RBMS3: variants seen among roughly 807,000 people sequenced by gnomAD.
The protein encoded by RBMS3 is RNA binding motif single stranded interacting protein 3.
In RBMS3, 27 loss-of-function variants were observed where a neutral mutation model predicts 66.8. The observed-to-expected ratio is 0.40, with a 90% CI of 0.30 to 0.56. The LOEUF is 0.56. RBMS3 is among the 20% of genes least tolerant of loss of function. The pLI is 0.40. For missense variants in RBMS3, 513 were observed against 549.5 expected (o/e 0.93, Z 0.66); for synonymous variants, 188 against 183.0 (o/e 1.03, Z -0.22).
intron 7 of RBMS3, among the ~76,000 whole-genome samples, chr3:29,876,509 C>G (rs1478882216): frequency 6.6e-6 from 1 of 152,136 alleles, no homozygotes; most frequent in East Asian, 1.9e-4. Context: ...GTCCCAAACA[C>G]TGGGCTAGAA....
intron 6 of RBMS3, among the ~76,000 whole-genome samples, chr3:29,767,839 T>G (rs1576746516): frequency 6.6e-6 from 1 of 152,082 alleles, no homozygotes; most frequent in Non-Finnish European, 1.5e-5. Flanking sequence ...ATTTACAAAT[T>G]TTTATCAGTG....
intron 1 of RBMS3, among the ~76,000 whole-genome samples, chr3:29,357,049 A>G (rs112194816): frequency 0.079 from 12,035 of 151,998 alleles, 631 homozygotes; most frequent in Non-Finnish European, 0.11. Flanking sequence ...TTATTTTTAT[A>G]TATATATTTT....
intron 4 of RBMS3, among the ~76,000 whole-genome samples, chr3:29,602,615 A>G (rs2048185620): frequency 1.3e-5 from 2 of 152,030 alleles, no homozygotes; most frequent in South Asian, 4.1e-4. Context: ...AGGCACCAAC[A>G]TTCTATACTC....
At chr3:29,628,897 A>C (rs1490290757) in intron 4 of RBMS3, among the ~76,000 whole-genome samples, 2 of 152,052 alleles carry the variant, frequency 1.3e-5, no homozygotes, top group African/African-American at 4.8e-5. Context: ...TTGACTGAGA[A>C]TTGTCATTGT....
intron 10 of RBMS3, among the ~76,000 whole-genome samples, chr3:29,930,746 A>T (rs1486294341): frequency 6.6e-6 from 1 of 151,400 alleles, no homozygotes; most frequent in Non-Finnish European, 1.5e-5. Flanking sequence ...ATATATATTT[A>T]TATGTCTCAT....
intron 6 of RBMS3, among the ~76,000 whole-genome samples, chr3:29,864,616 C>T (rs1446372652): frequency 6.6e-6 from 1 of 152,046 alleles, no homozygotes; most frequent in Non-Finnish European, 1.5e-5. Context: ...TGACACATGA[C>T]CGGGTTTCAC....
At chr3:29,494,068 A>G (rs1268694498) in intron 3 of RBMS3, among the ~76,000 whole-genome samples, 2 of 152,234 alleles carry the variant, frequency 1.3e-5, no homozygotes, top group Non-Finnish European at 2.9e-5. Flanking sequence ...TTTTAAAGAC[A>G]TGATAGTAAT....
intron 9 of RBMS3, among the ~76,000 whole-genome samples, chr3:29,898,068 A>G (rs1018696354): frequency 2.2e-4 from 34 of 151,668 alleles, no homozygotes; most frequent in African/African-American, 8.2e-4. Flanking sequence ...CTGAGACTCA[A>G]TGTGTGTCCT....
At chr3:29,924,408 A>G (rs184030962) in intron 10 of RBMS3, among the ~76,000 whole-genome samples, 2 of 152,006 alleles carry the variant, frequency 1.3e-5, no homozygotes, top group Admixed American at 1.3e-4. Flanking sequence ...TTTCAATTCT[A>G]CATTGAAGAG....
chr3:29,828,629 C>G (rs1363453790), intron 6 of RBMS3, among the ~76,000 whole-genome samples: 2 of 152,088 alleles, frequency 1.3e-5, no homozygotes, highest in African/African-American at 4.8e-5. Context: ...GTATGGCATT[C>G]AAAGAGTTAC....
chr3:29,702,011 G>T (rs1001553995), intron 4 of RBMS3, among the ~76,000 whole-genome samples: 3 of 152,246 alleles, frequency 2.0e-5, no homozygotes, highest in African/African-American at 7.2e-5. Context: ...CCTGAGTCCA[G>T]TGGGGACTTG....
At chr3:29,709,705 T>C (rs1419087595) in intron 4 of RBMS3, among the ~76,000 whole-genome samples, 1 of 152,194 alleles carries the variant, frequency 6.6e-6, no homozygotes, top group East Asian at 1.9e-4. Context: ...GTCCCCGAAG[T>C]ACATTTTACT....
rs183376878 is a variant in RBMS3 at position 29,376,760 on chromosome 3, A to C, written c.76-57983A>C. Among the ~76,000 whole-genome samples the C allele has an allele frequency of 1.1e-4, 17 of 152,176 alleles. No individual in the cohort carries two copies. In the East Asian group the frequency reaches 2.9e-3, roughly 26 times the overall value. On this transcript the variant is annotated intron_variant, in intron 1 of 14. Coordinates refer to ENST00000383767, the MANE Select transcript of RBMS3 (RefSeq NM_001003793.3). ...ATCTCTACTAAAAATACAAAAAATT[A>C]CCTGGCGTGGTGGCGGGCGCCTGTA...
chr3:29,648,145 T>C (rs1352035829), intron 4 of RBMS3, among the ~76,000 whole-genome samples: 1 of 152,120 alleles, frequency 6.6e-6, no homozygotes, highest in African/African-American at 2.4e-5. Flanking sequence ...CTTCTGGATG[T>C]AGATGTTGGA....
Position 29,440,169 on chromosome 3 carries a change from G to A in RBMS3, c.248+5254G>A, listed in dbSNP as rs533635663. On this transcript the variant is annotated intron_variant, in intron 2 of 14. Transcript: ENST00000383767. ...TTGTTCCTAAAAAATAAAATCAAAC[G>A]TGCATCATAATGGGTAGCATTTACA... Among the ~76,000 whole-genome samples, 11 of 152,096 alleles carry A rather than the reference G, an allele frequency of 7.2e-5. 1 individual carries two copies. The South Asian group carries it at 1.0e-3, about 14-fold the overall frequency.
Position 29,816,267 on chromosome 3 carries a change from C to T in RBMS3, c.638-52591C>T, listed in dbSNP as rs529216367. Among the ~76,000 whole-genome samples the T allele has an allele frequency of 9.9e-5, 15 of 151,472 alleles. No homozygotes were observed. In the East Asian group the frequency reaches 2.8e-3, roughly 28 times the overall value. ...ATTAGCAAAGCCAAAAAGTCATGTG[C>T]ATCCCCCTGTGCGCGCACACACAGA... is the stretch of plus-strand genomic sequence containing the variant. On this transcript the variant is annotated intron_variant, in intron 6 of 14. Coordinates refer to ENST00000383767, the MANE Select transcript of RBMS3 (RefSeq NM_001003793.3).
chr3:29,987,090 A>G (rs76008191), intron 12 of RBMS3, among the ~76,000 whole-genome samples: 2,961 of 152,320 alleles, frequency 0.019, 95 homozygotes, highest in African/African-American at 0.066. Context: ...ATATTGATAC[A>G]TGAACTTAGT....
chr3:29,557,536 A>G (rs2046406188), intron 3 of RBMS3, among the ~76,000 whole-genome samples: 1 of 152,184 alleles, frequency 6.6e-6, no homozygotes, highest in African/African-American at 2.4e-5. Context: ...AAGGATTTTA[A>G]TGTGTTTGAT....
intron 10 of RBMS3, among the ~76,000 whole-genome samples, chr3:29,932,059 A>G (rs894234348): frequency 4.6e-5 from 7 of 152,114 alleles, no homozygotes; most frequent in East Asian, 1.9e-4. Context: ...TTCCATTTCT[A>G]TGAGTTCAAA....
Sources: gnomAD v4.1 joint callset for allele counts (sites outside exome capture counted in the v4.1 genomes callset) on GRCh38, gnomAD v4.1.1 for gene constraint, MANE v1.5 for transcripts, NCBI Gene and HGNC (gene_info 2026-07-23, HGNC 2026-07-21) for gene names.